SOX30: variants seen among roughly 807,000 people sequenced by gnomAD.
The protein encoded by SOX30 is transcription factor SOX-30.
In SOX30, 17 loss-of-function variants were observed where a neutral mutation model predicts 58.6. The observed-to-expected ratio is 0.29, with a 90% confidence interval of 0.20 to 0.44. The LOEUF is 0.44. Among genes scored for constraint, SOX30 ranks in the 20% least tolerant of loss-of-function variants. SOX30 has a pLI of 1.00. For synonymous variants in SOX30, 421 were observed against 400.2 expected, an observed-to-expected ratio of 1.05 and a Z score of -0.62; for missense variants, 951 against 965.8, an observed-to-expected ratio of 0.98 and a Z score of 0.20.
intron 1 of SOX30, among the ~76,000 whole-genome samples, chr5:157,650,246 G>A (rs1581400679): frequency 1.3e-5 from 2 of 151,540 alleles, no homozygotes; most frequent in Admixed American, 1.3e-4. Flanking sequence ...CTTTCCTTTA[G>A]AAAACAAAAA....
At chr5:157,653,013 C>A (rs114111622), upstream of SOX30, among the ~76,000 whole-genome samples, 807 of 152,334 alleles carry the variant, frequency 5.3e-3, 7 homozygotes, top group African/African-American at 0.018. Context: ...GATCTAACCT[C>A]CTACTACTGC....
rs140528973 is a variant in SOX30, at chr5:157,641,469, C to T, written c.1388-2747G>A. ...CTCTACTAAAAATACAAAAATTAGC[C>T]GGGCTTGGTGGCATGCACCTGTAAT... On this transcript the variant is annotated intron_variant, in intron 3 of 4. Coordinates refer to ENST00000265007, the MANE Select transcript of SOX30 (RefSeq NM_178424.2). Among the ~76,000 whole-genome samples the T allele has an allele frequency of 2.4e-3, 368 of 152,106 alleles. 11 individuals carry two copies. The East Asian group carries it at 0.064, about 26-fold the overall frequency.
intron 3 of SOX30, among the ~76,000 whole-genome samples, chr5:157,642,507 G>C (rs1253863142): frequency 1.3e-5 from 2 of 151,912 alleles, no homozygotes; most frequent in Non-Finnish European, 2.9e-5. Flanking sequence ...ATTGATATTG[G>C]CTAGGGAAAA....
At position 157,638,448 on chromosome 5, in the gene SOX30, A is replaced by G. The variant is rs776697812; in HGVS notation, c.1662T>C (p.His554=). 4 of 1,614,172 alleles carry G rather than the reference A, an allele frequency of 2.5e-6. No individual in the cohort carries two copies. Among genetic ancestry groups the G allele is most frequent in the South Asian group, 1.1e-5 (1 of 91,078 alleles). The change falls in exon 4 of 5, where the codon CAT becomes CAC. Residue 554 remains histidine, a synonymous_variant. Transcript: ENST00000265007. The part of the protein sequence containing the change: ...NRISSSASTA[H]ARFATSTIQP... ...GGATGGTCGAAGTTGCAAATCTGGC[A>G]TGGGCAGTACTTGCACTACTTGAAA...
upstream of SOX30, among the ~76,000 whole-genome samples, chr5:157,655,586 G>A (rs75135559): frequency 0.092 from 14,016 of 152,146 alleles, 768 homozygotes; most frequent in Middle Eastern, 0.15. Context: ...TTTTCCTCCC[G>A]TAAAGGGGAA....
Position 157,626,262 on chromosome 5 carries a change from G to T in SOX30, c.*78C>A. Reference sequence around the variant, plus strand: ...GAAAACTTTCAACAAAGAATTCTAGGCTTTTTTTTTTCTCATACCAACTGA... The same window carrying T: ...GAAAACTTTCAACAAAGAATTCTAGTCTTTTTTTTTTCTCATACCAACTGA... On this transcript the variant is annotated 3_prime_UTR_variant, in exon 5 of 5. Coordinates refer to ENST00000265007, the MANE Select transcript of SOX30 (RefSeq NM_178424.2). The T allele has an allele frequency of 2.4e-6, 3 of 1,268,658 alleles. No individual in the cohort carries two copies. The highest frequency in any genetic ancestry group is 3.2e-6 in the Non-Finnish European group (3 of 938,146). 78.6% of individuals were successfully genotyped at this position (1,268,658 alleles called of 1,614,324 possible).
intron 4 of SOX30, among the ~76,000 whole-genome samples, chr5:157,634,899 C>T (rs1215327070): frequency 1.3e-5 from 2 of 151,358 alleles, no homozygotes; most frequent in African/African-American, 2.4e-5. Flanking sequence ...CTGCCCGCCT[C>T]GGCCTCCCAA....
chr5:157,626,283 A>C lies in SOX30; in HGVS notation c.*57T>G. On this transcript the variant is annotated 3_prime_UTR_variant, in exon 5 of 5. Coordinates refer to ENST00000265007, the MANE Select transcript of SOX30 (RefSeq NM_178424.2). ...CTAGGCTTTTTTTTTTCTCATACCAACTGACCCAGAATATATTTTAAGAAA... is the reference window on the plus strand; with the variant it reads ...CTAGGCTTTTTTTTTTCTCATACCACCTGACCCAGAATATATTTTAAGAAA... 7.0e-7 allele frequency: 1 copy of C among 1,433,490 alleles called. No homozygotes were observed. The highest frequency in any genetic ancestry group is 9.3e-7 in the Non-Finnish European group (1 of 1,070,028). 88.8% of individuals were successfully genotyped at this position (1,433,490 alleles called of 1,614,324 possible). A position where few individuals can be genotyped will look rare whatever the true frequency, so the allele number is the denominator to read the frequency against.
chr5:157,651,012 T>C lies in SOX30; in HGVS notation c.967+100A>G, dbSNP rs570649149. 9 of 887,006 alleles carry C rather than the reference T, an allele frequency of 1.0e-5. No homozygotes were observed. In the African/African-American group the frequency reaches 1.3e-4, roughly 13 times the overall value. 54.9% of individuals were successfully genotyped at this position (887,006 alleles called of 1,614,324 possible). On this transcript the variant is annotated intron_variant, in intron 1 of 4. Coordinates refer to ENST00000265007, the MANE Select transcript of SOX30 (RefSeq NM_178424.2). ...TCTGCCCTGAAAACAATCAGTTCCA[T>C]TACTTTACTTTTGTAGTTTAGACTT...
Position 157,652,089 on chromosome 5 carries a change from G to A in SOX30, c.-11C>T. On this transcript the variant is annotated 5_prime_UTR_variant, in exon 1 of 5. Coordinates refer to ENST00000265007, the MANE Select transcript of SOX30 (RefSeq NM_178424.2). ...TCTGGCTCTCTCCATGGGGGAGGGG[G>A]ACGCCCCGGCCAGGATTGTGAGCTC... 2 of 1,398,176 alleles carry A rather than the reference G, an allele frequency of 1.4e-6. No individual in the cohort carries two copies. The highest frequency in any genetic ancestry group is 1.8e-6 in the Non-Finnish European group (2 of 1,083,390). The allele number at this position is 1,398,176 out of a possible 1,614,324, so 86.6% of individuals were successfully genotyped here. A position where few individuals can be genotyped will look rare whatever the true frequency, so the allele number is the denominator to read the frequency against.
At chr5:157,661,822 A>G (rs1436193765) in intron 2 of SOX30, among the ~76,000 whole-genome samples, 1 of 152,200 alleles carries the variant, frequency 6.6e-6, no homozygotes, top group Non-Finnish European at 1.5e-5. Context: ...GTGTTGTTCT[A>G]TAATTTTCTT....
chr5:157,638,169 G>A (rs1053224655), intron 4 of SOX30, 61 bp downstream of exon 4: 9 of 1,443,494 alleles, frequency 6.2e-6, no homozygotes, highest in African/African-American at 1.4e-5. Context: ...AAAAAATGTT[G>A]TCACAGGTAA....
intron 2 of SOX30, among the ~76,000 whole-genome samples, chr5:157,663,693 T>G (rs1384258113): frequency 1.3e-5 from 2 of 152,214 alleles, no homozygotes; most frequent in Admixed American, 1.3e-4. Flanking sequence ...TGATTGTATA[T>G]TTAGAAAACC....
Position 157,651,547 on chromosome 5 carries a change from A to G in SOX30, c.532T>C (p.Phe178Leu), listed in dbSNP as rs768549062. ...AGCTTGCCCTTCTCGTCCCCTCGGA[A>G]GTAGCCGAGGGCCGGCCCGGGGCCT... ...LEGPGPALGY[F>L]RGDEKGKLEA... is the part of the protein sequence containing the mutation. The change falls in exon 1 of 5, where the codon TTC (phenylalanine) becomes CTC (leucine). Residue 178 changes from phenylalanine to leucine, a missense_variant. Physicochemically the swap from Phe to Leu is conservative, Grantham distance 22. Coordinates refer to ENST00000265007, the MANE Select transcript of SOX30 (RefSeq NM_178424.2). The G allele has an allele frequency of 3.1e-6, 5 of 1,612,996 alleles. No homozygotes were observed. The East Asian group carries it at 1.1e-4, about 36-fold the overall frequency.
At chr5:157,640,666 TG>T in intron 3 of SOX30, among the ~76,000 whole-genome samples, 1 of 152,206 alleles carries the variant, frequency 6.6e-6, no homozygotes, top group East Asian at 1.9e-4. Context: ...CATGTGAGAA[TG>T]GCCTCCTGGC....
At chr5:157,628,158 A>C (rs569447880) in intron 4 of SOX30, among the ~76,000 whole-genome samples, 8 of 152,168 alleles carry the variant, frequency 5.3e-5, no homozygotes, top group African/African-American at 1.9e-4. Context: ...TCAAAAAAAA[A>C]TTTTTTTAAA....
chr5:157,631,295 T>TA (rs972044915), intron 4 of SOX30, among the ~76,000 whole-genome samples: 5 of 151,734 alleles, frequency 3.3e-5, no homozygotes, highest in Non-Finnish European at 5.9e-5. Flanking sequence ...TTTCACCACT[T>TA]ACACTTGTTT....
intron 2 of SOX30, among the ~76,000 whole-genome samples, chr5:157,660,669 T>C (rs529401041): frequency 2.0e-5 from 3 of 152,160 alleles, no homozygotes; most frequent in South Asian, 2.1e-4. Context: ...TATATACATA[T>C]TTTTATGCCA....
intron 4 of SOX30, among the ~76,000 whole-genome samples, chr5:157,627,593 G>C (rs1312453303): frequency 6.6e-6 from 1 of 152,170 alleles, no homozygotes; most frequent in Non-Finnish European, 1.5e-5. Context: ...GTTACTACTA[G>C]AAAGATTTGA....
Sources: allele counts gnomAD v4.1 joint callset (sites outside exome capture counted in the v4.1 genomes callset), GRCh38; gene constraint gnomAD v4.1.1; transcripts MANE v1.5; gene names NCBI Gene and HGNC (gene_info 2026-07-23, HGNC 2026-07-21).